The following ZBTB44 variants were observed in gnomAD, a reference collection of about 807,000 sequenced individuals.
ZBTB44 encodes zinc finger and BTB domain containing 44, also known as zinc finger and BTB domain-containing protein 44.
In ZBTB44, 15 loss-of-function variants were observed where a neutral mutation model predicts 54.0. The observed-to-expected ratio is 0.28, with a 90% CI of 0.19 to 0.43. The LOEUF (loss-of-function observed/expected upper bound fraction) is 0.43. ZBTB44 is among the 20% of genes least tolerant of loss of function. The pLI, the probability that ZBTB44 is intolerant of heterozygous loss-of-function variation, is 1.00. For missense variants in ZBTB44, 487 were observed against 707.1 expected (o/e 0.69, Z 3.53); for synonymous variants, 230 against 250.1 (o/e 0.92, Z 0.76).
At chr11:130,268,804 T>TC (rs1939451231) in intron 1 of ZBTB44, among the ~76,000 whole-genome samples, 3 of 151,170 alleles carry the variant, frequency 2.0e-5, no homozygotes, top group Admixed American at 2.0e-4. Flanking sequence ...GGTCTCGAAC[T>TC]CCTGACCTCA....
rs552679262 is a variant in ZBTB44 at position 130,259,129 on chromosome 11, G to A, written c.1018+1727C>T. Among the ~76,000 whole-genome samples the A allele has an allele frequency of 1.4e-3, 211 of 152,268 alleles. 3 individuals are homozygous for A. The South Asian group carries it at 0.041, about 30-fold the overall frequency. ...CTCATGGATAGGAAGAATCAATATC[G>A]TGAAAATGGCCATATTGCCCAAAGT... On this transcript the variant is annotated intron_variant, in intron 2 of 7. Coordinates refer to ENST00000357899, the MANE Select transcript of ZBTB44 (RefSeq NM_001301098.2).
intron 1 of ZBTB44, among the ~76,000 whole-genome samples, chr11:130,294,690 G>A (rs1234226795): frequency 1.3e-5 from 2 of 152,046 alleles, no homozygotes; most frequent in Non-Finnish European, 1.5e-5. Flanking sequence ...CGATGACCTT[G>A]AGCAGGACAG....
chr11:130,307,168 T>C (rs987828917), intron 1 of ZBTB44, among the ~76,000 whole-genome samples: 1 of 151,920 alleles, frequency 6.6e-6, no homozygotes, highest in African/African-American at 2.4e-5. Flanking sequence ...CTAACGCTTG[T>C]AATCCCAGCA....
chr11:130,237,359 G>A (rs1954148883), intron 4 of ZBTB44, among the ~76,000 whole-genome samples: 1 of 152,180 alleles, frequency 6.6e-6, no homozygotes, highest in African/African-American at 2.4e-5. Context: ...TGCTTTTCTA[G>A]ATCATCTATT....
chr11:130,312,678 T>C (rs908753101), intron 1 of ZBTB44, among the ~76,000 whole-genome samples: 1 of 152,200 alleles, frequency 6.6e-6, no homozygotes, highest in African/African-American at 2.4e-5. Context: ...AGGGGATGGA[T>C]ACTCTTCATT....
chr11:130,303,927 A>G (rs925334682), intron 1 of ZBTB44, among the ~76,000 whole-genome samples: 3 of 152,212 alleles, frequency 2.0e-5, no homozygotes, highest in South Asian at 2.1e-4. Context: ...AAACAACATG[A>G]TAATACAAGT....
At chr11:130,268,335 G>A (rs1033365774) in intron 1 of ZBTB44, among the ~76,000 whole-genome samples, 4 of 152,078 alleles carry the variant, frequency 2.6e-5, no homozygotes, top group Non-Finnish European at 4.4e-5. Flanking sequence ...AATCTTCAGT[G>A]ACCTCCATCC....
At chr11:130,282,359 T>C (rs1940597133) in intron 1 of ZBTB44, among the ~76,000 whole-genome samples, 1 of 152,210 alleles carries the variant, frequency 6.6e-6, no homozygotes. Flanking sequence ...CTCTATGAAT[T>C]TGACTACTGA....
At position 130,261,133 on chromosome 11, in the gene ZBTB44, T is replaced by C. The variant is rs367569184; in HGVS notation, c.741A>G (p.Gln247=). ...ATTCTAAAGTCCGGGTATTTTCTGC[T>C]TGCTTAACTTTCTCAGGCTGAATCC... ...DRRIQPEKVK[Q]AENTRTLELP... is the part of the protein sequence containing the mutation. The change falls in exon 2 of 8, where the codon CAA becomes CAG. Residue 247 remains glutamine, a synonymous_variant. Transcript: ENST00000357899. The surrounding 1 kb of genome is among the most constrained non-coding windows in gnomAD (Gnocchi z 4.8). 14 of 1,613,906 alleles carry C rather than the reference T, an allele frequency of 8.7e-6. No homozygotes were observed. The African/African-American group carries it at 1.9e-4, about 22-fold the overall frequency.
intron 1 of ZBTB44, among the ~76,000 whole-genome samples, chr11:130,276,232 C>CAAAAAAAAAAAAAAA (rs757286125): frequency 3.1e-3 from 99 of 31,634 alleles, no homozygotes; most frequent in Admixed American, 4.1e-3. Context: ...AACTCTGTCT[C>CAAAAAAAAAAAAAAA]AAAAAAAAAA....
chr11:130,274,101 A>C (rs1939878633), intron 1 of ZBTB44, among the ~76,000 whole-genome samples: 1 of 151,964 alleles, frequency 6.6e-6, no homozygotes, highest in Non-Finnish European at 1.5e-5. Flanking sequence ...AAAAAAAAAA[A>C]GTTTGGGACC....
intron 2 of ZBTB44, among the ~76,000 whole-genome samples, chr11:130,250,572 C>T (rs1312666472): frequency 6.6e-6 from 1 of 152,130 alleles, no homozygotes; most frequent in Non-Finnish European, 1.5e-5. Context: ...ATGAAGCATC[C>T]AGAGGAAGCA....
At chr11:130,313,605 T>C (rs2134578939) in intron 1 of ZBTB44, among the ~76,000 whole-genome samples, 1 of 152,284 alleles carries the variant, frequency 6.6e-6, no homozygotes, top group Admixed American at 6.5e-5. Context: ...GATCTCCAAA[T>C]AAAGCATTAA....
chr11:130,285,285 G>GTTCTCTTTTTTTTTTTTTTTTTTTTTTT (rs1940870166), intron 1 of ZBTB44: 1 of 123,608 alleles, frequency 8.1e-6, no homozygotes, highest in African/African-American at 3.0e-5. Context: ...AGTTATTCTT[G>GTTCTCTTTTTTTTTTTTTTTTTTTTTTT]TTTTCTTTTT....
intron 2 of ZBTB44, among the ~76,000 whole-genome samples, chr11:130,253,140 T>C (rs956523575): frequency 6.6e-6 from 1 of 151,678 alleles, no homozygotes. Flanking sequence ...AGCATTCCCT[T>C]TGAAAATTGA....
At chr11:130,271,100 CAACAGAGTGA>C (rs1939634628) in intron 1 of ZBTB44, among the ~76,000 whole-genome samples, 1 of 152,130 alleles carries the variant, frequency 6.6e-6, no homozygotes, top group Non-Finnish European at 1.5e-5. Context: ...ACATAACATA[CAACAGAGTGA>C]AATATATGAA....
chr11:130,265,963 G>A (rs535844334), intron 1 of ZBTB44, among the ~76,000 whole-genome samples: 45 of 152,332 alleles, frequency 3.0e-4, no homozygotes, highest in East Asian at 1.3e-3. Context: ...GATCATTGAC[G>A]AAGGTGGCTA....
chr11:130,257,268 A>T (rs1938521171), intron 2 of ZBTB44, among the ~76,000 whole-genome samples: 1 of 151,550 alleles, frequency 6.6e-6, no homozygotes, highest in South Asian at 2.1e-4. Flanking sequence ...AAGAAAAAGT[A>T]CATCTTAATC....
At chr11:130,281,865 A>G (rs1335899763) in intron 1 of ZBTB44, among the ~76,000 whole-genome samples, 8 of 152,170 alleles carry the variant, frequency 5.3e-5, no homozygotes, top group Admixed American at 3.9e-4. Flanking sequence ...TTGGCCTCCC[A>G]AAGTGCTGGG....
Sources: allele counts gnomAD v4.1 joint callset (sites outside exome capture counted in the v4.1 genomes callset), GRCh38; gene constraint gnomAD v4.1.1; non-coding constraint Gnocchi (gnomAD v3.1); transcripts MANE v1.5; gene names NCBI Gene and HGNC (gene_info 2026-07-23, HGNC 2026-07-21).